The following CCDC30 variants were observed in gnomAD, a reference collection of about 807,000 sequenced individuals.
CCDC30 encodes the protein coiled-coil domain-containing protein 30.
CCDC30 carries 70 observed loss-of-function variants against 100.2 expected under a neutral mutation model. The observed-to-expected ratio is 0.70, with a 90% confidence interval of 0.58 to 0.85. CCDC30 has a LOEUF of 0.85. Among genes scored for constraint, CCDC30 ranks in the 40% least tolerant of loss-of-function variants. The probability of loss-of-function intolerance (pLI) is 0.00; values close to 1 mark genes in which losing one functional copy is unlikely to be tolerated. For synonymous variants in CCDC30, 233 were observed against 269.5 expected (o/e 0.86, Z 1.33); for missense variants, 652 against 771.2 (o/e 0.85, Z 1.83).
At chr1:42,632,966 T>C (rs10890205) in intron 11 of CCDC30, among the ~76,000 whole-genome samples, 93,028 of 151,328 alleles carry the variant, frequency 0.61, 28,865 homozygotes, top group South Asian at 0.69. Context: ...TGCGTCACTA[T>C]GCCCAGCTAA....
intron 1 of CCDC30, among the ~76,000 whole-genome samples, chr1:42,475,355 T>G (rs1643871243): frequency 1.3e-5 from 2 of 152,188 alleles, no homozygotes; most frequent in African/African-American, 4.8e-5. Context: ...AAATGTGTTT[T>G]TTTTAGGTGG....
chr1:42,650,614 T>C (rs1424994120), intron 15 of CCDC30, among the ~76,000 whole-genome samples: 2 of 150,430 alleles, frequency 1.3e-5, no homozygotes, highest in Non-Finnish European at 3.0e-5. Context: ...TGAAACAGCA[T>C]AGAGAGCTTA....
chr1:42,638,991 T>C (rs1289288667), intron 12 of CCDC30, among the ~76,000 whole-genome samples: 2 of 152,190 alleles, frequency 1.3e-5, no homozygotes, highest in African/African-American at 4.8e-5. Context: ...TATCAGTTCT[T>C]TTTCATACTT....
At chr1:42,456,177 A>G in the CCDC30 span, 1 of 639,100 alleles carries the variant, frequency 1.6e-6, no homozygotes. Flanking sequence ...GAAGAAAGAA[A>G]GAAAAAGCAG....
At chr1:42,524,375 AGTT>A (rs1644693075) in intron 6 of CCDC30, among the ~76,000 whole-genome samples, 1 of 152,088 alleles carries the variant, frequency 6.6e-6, no homozygotes, top group Non-Finnish European at 1.5e-5. Context: ...CTCTATACGC[AGTT>A]GCTTTCAAAT....
At chr1:42,635,234 C>CG (rs1197191412) in intron 11 of CCDC30, among the ~76,000 whole-genome samples, 6 of 151,916 alleles carry the variant, frequency 3.9e-5, no homozygotes, top group Non-Finnish European at 8.8e-5. Context: ...TTAGTAGAGA[C>CG]GGGGTTTCAT....
chr1:42,546,390 AAAAAAAAAAAT>A (rs1157097145), intron 6 of CCDC30, among the ~76,000 whole-genome samples: 2 of 8,614 alleles, frequency 2.3e-4, no homozygotes, highest in East Asian at 6.1e-3. Context: ...TGTCTCAAAA[AAAAAAAAAAAT>A]ATATATATAT....
rs146622215 is a variant in CCDC30, at chr1:42,613,007, A to G, written c.1277+1917A>G. ...AATGTATTGACAAACATTCCAAAGT[A>G]TCCTACTATTACCAGAAAGGGGTCC... On this transcript the variant is annotated intron_variant, in intron 11 of 16. Coordinates refer to ENST00000668663, the Ensembl canonical transcript of CCDC30. 6.6e-4 allele frequency among the ~76,000 whole-genome samples: 101 copies of G among 152,342 alleles called. 2 individuals are homozygous for G. Among genetic ancestry groups the G allele is most frequent in the Middle Eastern group, 3.4e-3 (1 of 294 alleles).
At chr1:42,547,976 TAAAG>T (rs1249990465) in intron 6 of CCDC30, among the ~76,000 whole-genome samples, 1 of 152,132 alleles carries the variant, frequency 6.6e-6, no homozygotes, top group East Asian at 1.9e-4. Context: ...AAAATATTCT[TAAAG>T]GAAGTCTGAG....
chr1:42,545,553 C>T (rs769862128), intron 6 of CCDC30: 28 of 1,605,476 alleles, frequency 1.7e-5, no homozygotes, highest in Middle Eastern at 3.3e-4. Flanking sequence ...AAATTCAAAG[C>T]CGAAAGGAAG....
intron 11 of CCDC30, among the ~76,000 whole-genome samples, chr1:42,630,001 G>A (rs1421529023): frequency 1.7e-5 from 2 of 116,618 alleles, no homozygotes; most frequent in Non-Finnish European, 3.3e-5. Flanking sequence ...TTGAGATGAA[G>A]TCTGGCTCTG....
At chr1:42,476,177 A>C (rs1643879270) in intron 1 of CCDC30, among the ~76,000 whole-genome samples, 1 of 134,196 alleles carries the variant, frequency 7.5e-6, no homozygotes, top group Non-Finnish European at 1.7e-5. Context: ...TCCTTCTAGC[A>C]AAGGGAGGGC....
rs141013191 is a variant in CCDC30 at position 42,518,417 on chromosome 1, G to A, written c.456+19501G>A. On this transcript the variant is annotated intron_variant, in intron 6 of 16. Transcript: ENST00000668663. ...CATATAATCTGCAAACAGAGATATC[G>A]TTATGCAGCATAATGGACTACATTT... Among the ~76,000 whole-genome samples the A allele has an allele frequency of 6.1e-3, 930 of 152,206 alleles. 6 individuals are homozygous for A. The highest frequency in any genetic ancestry group is 0.021 in the African/African-American group (865 of 41,526).
intron 6 of CCDC30, among the ~76,000 whole-genome samples, chr1:42,561,759 A>G (rs1645492330): frequency 6.6e-6 from 1 of 152,252 alleles, no homozygotes; most frequent in South Asian, 2.1e-4. Context: ...GCAAAGTCTC[A>G]GCATACAAAA....
At chr1:42,607,557 A>T (rs1189005798) in intron 10 of CCDC30, among the ~76,000 whole-genome samples, 3 of 82,280 alleles carry the variant, frequency 3.6e-5, no homozygotes, top group African/African-American at 5.8e-5. Context: ...TGTCTCTATA[A>T]AAAAAAAAAA....
chr1:42,526,705 T>C (rs1412854047), intron 6 of CCDC30, among the ~76,000 whole-genome samples: 2 of 152,184 alleles, frequency 1.3e-5, no homozygotes, highest in Non-Finnish European at 1.5e-5. Context: ...ACCCTAATAT[T>C]GTATCTCCTT....
the CCDC30 span, among the ~76,000 whole-genome samples, chr1:42,457,955 C>CA: frequency 0.43 from 43,532 of 100,430 alleles, 7,729 homozygotes; most frequent in East Asian, 0.64. Context: ...TACTCCGTCG[C>CA]AAAAAAAAAA....
chr1:42,651,693 G>T (rs1375522432), intron 15 of CCDC30, among the ~76,000 whole-genome samples: 2 of 152,140 alleles, frequency 1.3e-5, no homozygotes, highest in Middle Eastern at 3.4e-3. Flanking sequence ...GCAAGACCCT[G>T]TATCTACAAA....
chr1:42,617,061 G>A (rs1421037174), intron 11 of CCDC30, among the ~76,000 whole-genome samples: 1 of 152,128 alleles, frequency 6.6e-6, no homozygotes, highest in Non-Finnish European at 1.5e-5. Context: ...GCTTATAAAA[G>A]GAATTAGAAG....
Sources: gnomAD v4.1 joint callset for allele counts (sites outside exome capture counted in the v4.1 genomes callset) on GRCh38, gnomAD v4.1.1 for gene constraint, MANE v1.5 for transcripts, NCBI Gene and HGNC (gene_info 2026-07-23, HGNC 2026-07-21) for gene names.